ECPAS: variants seen among roughly 807,000 people sequenced by gnomAD.
ECPAS encodes Ecm29 proteasome adaptor and scaffold.
Under a neutral mutation model 255.1 loss-of-function variants are expected in ECPAS, and 70 were observed. The observed-to-expected ratio is 0.27, with a 90% confidence interval of 0.23 to 0.33. The LOEUF (loss-of-function observed/expected upper bound fraction) is 0.33, where lower values mean the gene tolerates loss of function less well. Ranked by LOEUF, ECPAS falls within the 10% of genes least tolerant of loss-of-function variation. ECPAS has a pLI of 1.00. For missense variants in ECPAS, 1,817 were observed against 2,206.4 expected (o/e 0.82, Z 3.54); for synonymous variants, 784 against 775.0 (o/e 1.01, Z -0.19).
At chr9:111,379,778 C>A (rs1390864922) in intron 35 of ECPAS, among the ~76,000 whole-genome samples, 2 of 152,208 alleles carry the variant, frequency 1.3e-5, no homozygotes, top group Non-Finnish European at 2.9e-5. Context: ...GAGTAGCTTG[C>A]ATCTCATGAA....
In ECPAS at chr9:111,440,467, T is replaced by C. The variant is rs745646486; in HGVS notation, c.444A>G (p.Ser148=). ...TLFHMKYPVE[S]SKSASPFNLA... ...GATTAAATGGAGAAGCTGATTTTGA[T>C]GATTCAACAGGGTATTTCATGTGAA... The change falls in exon 6 of 50, where the codon TCA becomes TCG. Residue 148 remains serine (S), a synonymous_variant. Transcript: ENST00000684092. 4 of 1,613,048 alleles carry C rather than the reference T, an allele frequency of 2.5e-6. No individual in the cohort carries two copies. The South Asian group carries it at 4.4e-5, about 18-fold the overall frequency.
intron 2 of ECPAS, among the ~76,000 whole-genome samples, chr9:111,456,663 TGCAG>T (rs1288717558): frequency 6.6e-6 from 1 of 152,222 alleles, no homozygotes; most frequent in Non-Finnish European, 1.5e-5. Context: ...TGTGACCAGC[TGCAG>T]TTCAACCTTT....
chr9:111,454,356 C>T (rs953606780), intron 2 of ECPAS, among the ~76,000 whole-genome samples: 1 of 152,146 alleles, frequency 6.6e-6, no homozygotes, highest in Non-Finnish European at 1.5e-5. Flanking sequence ...TATCCAGTCC[C>T]TGTTCCTTTT....
In ECPAS at chr9:111,394,280, T is replaced by C. The variant is rs781239642; in HGVS notation, c.2802A>G (p.Pro934=). 3.2e-6 allele frequency: 5 copies of C among 1,570,354 alleles called. No homozygotes were observed. Among genetic ancestry groups the C allele is most frequent in the Admixed American group, 3.7e-5 (2 of 53,976 alleles). ...TATTTAAAATCACATCCAACACCCA[T>C]GGAACCACATCATTCACTTTGGCTC... ...PAGAKVNDVV[P]WVLDVILNKH... is the part of the protein sequence containing the mutation. The change falls in exon 26 of 50, where the codon CCA becomes CCG. Residue 934 remains proline (P), a synonymous_variant. Transcript: ENST00000684092.
intron 8 of ECPAS, 100 bp from the exon 9 acceptor site, chr9:111,430,728 G>T: frequency 1.4e-6 from 1 of 735,056 alleles, no homozygotes; most frequent in Non-Finnish European, 2.3e-6. Context: ...AAAAGAAAAT[G>T]TTAGAAACAC....
chr9:111,446,565 A>G (rs1002280690), intron 3 of ECPAS, among the ~76,000 whole-genome samples: 1 of 152,180 alleles, frequency 6.6e-6, no homozygotes, highest in Non-Finnish European at 1.5e-5. Flanking sequence ...TTTAAGAATA[A>G]TAACAACTCT....
At chr9:111,378,166 T>C (rs2098135767) in intron 36 of ECPAS, among the ~76,000 whole-genome samples, 2 of 151,264 alleles carry the variant, frequency 1.3e-5, no homozygotes. Context: ...AAAATAAAAA[T>C]AAAAATAAAA....
intron 8 of ECPAS, among the ~76,000 whole-genome samples, chr9:111,432,441 C>T (rs962565790): frequency 6.6e-6 from 1 of 152,076 alleles, no homozygotes; most frequent in Non-Finnish European, 1.5e-5. Context: ...TGGTGAAATC[C>T]CATTTCTACC....
In ECPAS at chr9:111,384,548, C is replaced by A; in HGVS notation, c.3655G>T (p.Glu1219Ter). Residue 1219 changes from glutamate to a stop codon, truncating the protein, a stop_gained, in exon 34 of 50, where the codon GAA becomes TAA. Transcript: ENST00000684092. LOFTEE classifies it high-confidence loss of function. ...TTGCTCAGAGTTTTCAGAGCTAGTTCTGCCGCTTTTCGTACAGATTCCTAA... is the reference window on the plus strand; with the variant it reads ...TTGCTCAGAGTTTTCAGAGCTAGTTATGCCGCTTTTCGTACAGATTCCTAA... The part of the protein sequence containing the change: ...DIKESVRKAA[E>*]LALKTLSKVC... 6.2e-7 allele frequency: 1 copy of A among 1,613,916 alleles called. No individual in the cohort carries two copies. The highest frequency in any genetic ancestry group is 8.5e-7 in the Non-Finnish European group (1 of 1,179,800).
chr9:111,375,084 AC>A (rs1564499882), intron 38 of ECPAS, 28 bp downstream of exon 38: 1 of 1,513,684 alleles, frequency 6.6e-7, no homozygotes. Context: ...ATGAAGATGC[AC>A]ATTTCCTCTT....
At chr9:111,465,859 C>G (rs2098278869) in intron 2 of ECPAS, among the ~76,000 whole-genome samples, 1 of 151,480 alleles carries the variant, frequency 6.6e-6, no homozygotes, top group Non-Finnish European at 1.5e-5. Context: ...CACAGCAAGA[C>G]CCCATCTCTA....
intron 24 of ECPAS, among the ~76,000 whole-genome samples, chr9:111,400,841 G>C (rs1466737154): frequency 6.6e-6 from 1 of 152,140 alleles, no homozygotes; most frequent in African/African-American, 2.4e-5. Context: ...AAACAGGTTA[G>C]AAAGTTTATT....
intron 24 of ECPAS, among the ~76,000 whole-genome samples, chr9:111,398,806 G>GT (rs1047505365): frequency 2.0e-5 from 3 of 152,106 alleles, no homozygotes; most frequent in Non-Finnish European, 4.4e-5. Context: ...GCATGGTGGT[G>GT]TAAGCCTGTA....
At chr9:111,421,815 G>T in intron 15 of ECPAS, 106 bp downstream of exon 15, 1 of 1,330,364 alleles carries the variant, frequency 7.5e-7, no homozygotes, top group Non-Finnish European at 1.0e-6. Flanking sequence ...CACAGCCCAA[G>T]TGAAAGCAAA....
intron 3 of ECPAS, among the ~76,000 whole-genome samples, chr9:111,447,799 T>C (rs1351081114): frequency 1.3e-5 from 2 of 152,068 alleles, no homozygotes; most frequent in African/African-American, 4.8e-5. Context: ...TACTTTATTC[T>C]GCATTGCTTT....
chr9:111,475,582 A>G (rs2098295164), intron 1 of ECPAS, among the ~76,000 whole-genome samples: 1 of 152,112 alleles, frequency 6.6e-6, no homozygotes, highest in African/African-American at 2.4e-5. Flanking sequence ...TAAAAATACA[A>G]AAATTAGCCA....
At chr9:111,456,199 T>C (rs1325350219) in intron 2 of ECPAS, among the ~76,000 whole-genome samples, 2 of 152,162 alleles carry the variant, frequency 1.3e-5, no homozygotes. Flanking sequence ...TGAATTATTA[T>C]AAACAATCTT....
intron 2 of ECPAS, among the ~76,000 whole-genome samples, chr9:111,462,127 A>C (rs2098273905): frequency 6.6e-6 from 1 of 152,256 alleles, no homozygotes; most frequent in African/African-American, 2.4e-5. Flanking sequence ...TAAATGTCAA[A>C]GGTAAAACAA....
intron 3 of ECPAS, among the ~76,000 whole-genome samples, chr9:111,447,418 T>C (rs890152024): frequency 5.3e-5 from 8 of 152,178 alleles, no homozygotes; most frequent in Non-Finnish European, 8.8e-5. Context: ...TCGGCCTATT[T>C]TGAATTTTAA....
Sources: allele counts gnomAD v4.1 joint callset (sites outside exome capture counted in the v4.1 genomes callset), GRCh38; gene constraint gnomAD v4.1.1; transcripts MANE v1.5; gene names NCBI Gene and HGNC (gene_info 2026-07-23, HGNC 2026-07-21).